Variants in CFAP54 observed in about 807,000 individuals in gnomAD.
CFAP54 encodes the protein cilia and flagella associated protein 54.
A neutral mutation model predicts 370.4 loss-of-function variants in CFAP54; 290 were observed. The ratio of observed to expected loss-of-function variants is 0.78; its 90% CI spans 0.71 to 0.86. The LOEUF (loss-of-function observed/expected upper bound fraction) is 0.86. Among genes scored for constraint, CFAP54 ranks in the 40% least tolerant of loss-of-function variants. The pLI is 0.00. For synonymous variants in CFAP54, 1,206 were observed against 1,236.5 expected (o/e 0.98, Z 0.52); for missense variants, 3,399 against 3,528.7 (o/e 0.96, Z 0.93).
At chr12:96,685,408 A>G (rs1221299591) in intron 42 of CFAP54, among the ~76,000 whole-genome samples, 170 bp downstream of exon 42, 1 of 152,146 alleles carries the variant, frequency 6.6e-6, no homozygotes, top group African/African-American at 2.4e-5. Context: ...TTTATTGCTT[A>G]TGATTATCTC....
intron 63 of CFAP54, among the ~76,000 whole-genome samples, chr12:96,798,429 C>T: frequency 6.6e-6 from 1 of 151,778 alleles, no homozygotes; most frequent in East Asian, 2.0e-4. Context: ...TTCAAAACCT[C>T]ATCTACTCAT....
chr12:96,672,488 A>G (rs982975979), intron 39 of CFAP54, among the ~76,000 whole-genome samples: 4 of 152,192 alleles, frequency 2.6e-5, no homozygotes, highest in African/African-American at 7.2e-5. Context: ...TGATAAAGTC[A>G]TAGGAGAAAG....
At chr12:96,700,937 G>T (rs1220211807) in intron 46 of CFAP54, among the ~76,000 whole-genome samples, 4 of 152,058 alleles carry the variant, frequency 2.6e-5, no homozygotes, top group South Asian at 2.1e-4. Flanking sequence ...TGAGCTATAA[G>T]TCTTGAAAAC....
chr12:96,788,209 C>T (rs1338410388), intron 62 of CFAP54, among the ~76,000 whole-genome samples: 1 of 152,144 alleles, frequency 6.6e-6, no homozygotes, highest in Admixed American at 6.5e-5. Context: ...GAGGAAATGA[C>T]TAGAGCCTCT....
At chr12:96,546,458 T>G (rs1955641039) in intron 14 of CFAP54, among the ~76,000 whole-genome samples, 1 of 152,178 alleles carries the variant, frequency 6.6e-6, no homozygotes, top group Admixed American at 6.5e-5. Context: ...GCTTGTAGAT[T>G]TAAAATATAT....
At position 96,701,981 on chromosome 12, in the gene CFAP54, A is replaced by G. The variant is rs149239060; in HGVS notation, c.6474+1888A>G. 5.3e-3 allele frequency among the ~76,000 whole-genome samples: 805 copies of G among 152,290 alleles called. 10 individuals are homozygous for G. Among genetic ancestry groups the G allele is most frequent in the African/African-American group, 0.016 (663 of 41,560 alleles). On this transcript the variant is annotated intron_variant, in intron 46 of 67. Coordinates refer to ENST00000524981, the MANE Select transcript of CFAP54 (RefSeq NM_001306084.2). ...AGGGGTGTACATTGGGACACCAGTTAGGAGGCTGTTGCAGATAATCTGGGT... is the reference window on the plus strand; with the variant it reads ...AGGGGTGTACATTGGGACACCAGTTGGGAGGCTGTTGCAGATAATCTGGGT...
rs374756712 is a variant in CFAP54, at chr12:96,552,246, CAAAAAAAAAA to C, written c.2155-1925_2155-1916del. Among the ~76,000 whole-genome samples the C allele has an allele frequency of 1.2e-4, 5 of 40,986 alleles. No individual in the cohort carries two copies. The South Asian group carries it at 3.6e-3, about 29-fold the overall frequency. 26.9% of individuals were successfully genotyped at this position (40,986 alleles called of 152,430 possible). A position where few individuals can be genotyped will look rare whatever the true frequency, so the allele number is the denominator to read the frequency against. On this transcript the variant is annotated intron_variant, in intron 15 of 67. Coordinates refer to ENST00000524981, the MANE Select transcript of CFAP54 (RefSeq NM_001306084.2). The stretch of plus-strand genomic sequence containing the variant: ...GGGCAACAAGAGCAAAACTACATCT[CAAAAAAAAAA>C]AAAAAAAAAAGAATAAAAGAAAGTA...
At chr12:96,525,194 G>A (rs1955365283) in intron 8 of CFAP54, among the ~76,000 whole-genome samples, 1 of 150,870 alleles carries the variant, frequency 6.6e-6, no homozygotes, top group African/African-American at 2.4e-5. Flanking sequence ...TTCATAAAAT[G>A]GCTTGCCATT....
intron 60 of CFAP54, among the ~76,000 whole-genome samples, chr12:96,780,046 C>G (rs529572419): frequency 1.3e-5 from 2 of 152,118 alleles, no homozygotes; most frequent in East Asian, 3.9e-4. Flanking sequence ...CTGTCTTTGG[C>G]TTAGAGATAT....
intron 15 of CFAP54, among the ~76,000 whole-genome samples, chr12:96,551,355 T>G (rs1955692106): frequency 6.6e-6 from 1 of 151,656 alleles, no homozygotes; most frequent in African/African-American, 2.4e-5. Context: ...AGAAGAGGAG[T>G]GGGTAGGAGA....
At position 96,691,156 on chromosome 12, in the gene CFAP54, C is replaced by G. The variant is rs749416296; in HGVS notation, c.6110C>G (p.Pro2037Arg). 1 of 1,613,354 alleles carries G rather than the reference C, an allele frequency of 6.2e-7. No individual in the cohort carries two copies. The highest frequency in any genetic ancestry group is 1.3e-5 in the African/African-American group (1 of 74,872). Reference sequence around the variant, plus strand: ...TTGCTTAGAACAACACTTCCACATCCCAAAGCTGAACGTTGCTATGCTCAA... The same window carrying G: ...TTGCTTAGAACAACACTTCCACATCGCAAAGCTGAACGTTGCTATGCTCAA... The part of the protein sequence containing the change: ...QGLLRTTLPH[P>R]KAERCYAQYE... Residue 2037 changes from proline to arginine, a missense_variant, in exon 44 of 68, where the codon CCC becomes CGC. Pro to Arg is a moderately radical substitution (Grantham distance 103, BLOSUM62 -2). This residue lies in a region of CFAP54 where 2,796 missense variants were observed against 2,869.7 expected (regional missense o/e 0.97). Coordinates refer to ENST00000524981, the MANE Select transcript of CFAP54 (RefSeq NM_001306084.2).
chr12:96,567,506 G>A (rs1955875000), intron 19 of CFAP54, among the ~76,000 whole-genome samples: 3 of 152,078 alleles, frequency 2.0e-5, no homozygotes, highest in Admixed American at 2.0e-4. Context: ...AGTGGTGTCT[G>A]GTCTTTGCTG....
chr12:96,853,683 G>A (rs187371552), intron 66 of CFAP54, among the ~76,000 whole-genome samples: 2 of 152,262 alleles, frequency 1.3e-5, no homozygotes, highest in East Asian at 3.9e-4. Flanking sequence ...GGCTTAAAAT[G>A]CCTGGAATGT....
intron 5 of CFAP54, 91 bp from the exon 6 acceptor site, chr12:96,518,837 T>G (rs1170839907): frequency 7.5e-6 from 9 of 1,197,072 alleles, no homozygotes; most frequent in Non-Finnish European, 7.6e-6. Flanking sequence ...CAGCAACTTG[T>G]GCTCACAACT....
chr12:96,600,173 G>A (rs148563246), intron 26 of CFAP54, among the ~76,000 whole-genome samples: 322 of 152,132 alleles, frequency 2.1e-3, no homozygotes, highest in African/African-American at 7.3e-3. Context: ...GTTAATTTTT[G>A]TGTAAGGTGT....
rs146865489 is a variant in CFAP54 at position 96,541,139 on chromosome 12, T to C, written c.2077+152T>C. On this transcript the variant is annotated intron_variant, in intron 14 of 67. Coordinates refer to ENST00000524981, the MANE Select transcript of CFAP54 (RefSeq NM_001306084.2). ...AATTAGAGATAGATAATAAGATAGT[T>C]TCATCAAGTGGATGTTAAGGTTTCA... is the stretch of plus-strand genomic sequence containing the variant. Among the ~76,000 whole-genome samples the C allele has an allele frequency of 6.2e-4, 95 of 152,274 alleles. 2 individuals are homozygous for C. The highest frequency in any genetic ancestry group is 1.9e-3 in the African/African-American group (77 of 41,546).
intron 63 of CFAP54, among the ~76,000 whole-genome samples, chr12:96,809,114 C>G (rs1958907830): frequency 6.6e-6 from 1 of 152,160 alleles, no homozygotes; most frequent in Non-Finnish European, 1.5e-5. Context: ...TGCTAGCTCT[C>G]AGTCTTCCCT....
chr12:96,853,757 C>T (rs1261670721), intron 66 of CFAP54, among the ~76,000 whole-genome samples: 1 of 152,070 alleles, frequency 6.6e-6, no homozygotes, highest in Non-Finnish European at 1.5e-5. Context: ...TTGTGTTCTC[C>T]TGAGAACCAA....
intron 17 of CFAP54, among the ~76,000 whole-genome samples, chr12:96,558,696 CCT>C (rs921292856): frequency 2.6e-5 from 4 of 151,436 alleles, no homozygotes; most frequent in East Asian, 1.9e-4. Flanking sequence ...AAACTAGACC[CCT>C]CTCTCTCTCA....
Sources: gnomAD v4.1 joint callset for allele counts (sites outside exome capture counted in the v4.1 genomes callset) on GRCh38, gnomAD v4.1.1 for gene constraint, gnomAD v4.1.1 regional missense constraint, MANE v1.5 for transcripts, NCBI Gene and HGNC (gene_info 2026-07-23, HGNC 2026-07-21) for gene names.